ELMO1: variants seen among roughly 807,000 people sequenced by gnomAD.
ELMO1 encodes the protein engulfment and cell motility protein 1.
ELMO1 carries 26 observed loss-of-function variants against 98.9 expected under a neutral mutation model. That is an observed-to-expected ratio of 0.26 (90% CI 0.19 to 0.36). The LOEUF (loss-of-function observed/expected upper bound fraction) is 0.36, where lower values mean the gene tolerates loss of function less well. ELMO1 is among the 10% of genes least tolerant of loss of function. ELMO1 has a pLI of 1.00. For synonymous variants in ELMO1, 346 were observed against 346.0 expected, an observed-to-expected ratio of 1.00 and a Z score of 0.00; for missense variants, 627 against 935.2, an observed-to-expected ratio of 0.67 and a Z score of 4.30.
rs182382889 is a variant in ELMO1, at chr7:36,946,541, A to G, written c.1438-51524T>C. On this transcript the variant is annotated intron_variant, in intron 16 of 21. Transcript: ENST00000310758. ...TAAAATGAGAATGGCATGTTCCGCA[A>G]CCACCTCTGTGTTTGTGTTGCTCCG... Among the ~76,000 whole-genome samples, 296 of 152,330 alleles carry G rather than the reference A, an allele frequency of 1.9e-3. 4 individuals are homozygous for G. The highest frequency in any genetic ancestry group is 7.0e-3 in the African/African-American group (289 of 41,580).
intron 16 of ELMO1, among the ~76,000 whole-genome samples, chr7:36,967,678 C>G (rs537418832): frequency 1.4e-3 from 206 of 152,294 alleles, no homozygotes; most frequent in African/African-American, 4.9e-3. Context: ...GGGATTCAGG[C>G]ACCTGGTGAT....
At chr7:37,364,804 A>G (rs1016484196) in intron 1 of ELMO1, among the ~76,000 whole-genome samples, 1 of 152,240 alleles carries the variant, frequency 6.6e-6, no homozygotes, top group African/African-American at 2.4e-5. Context: ...GAAAGATAAC[A>G]CAAAAAGTGA....
At position 36,858,792 on chromosome 7, in the gene ELMO1, G is replaced by A. The variant is rs1255178979; in HGVS notation, c.1983+2867C>T. 4.6e-5 allele frequency among the ~76,000 whole-genome samples: 7 copies of A among 152,244 alleles called. No individual in the cohort carries two copies. The East Asian group carries it at 7.7e-4, about 17-fold the overall frequency. On this transcript the variant is annotated intron_variant, in intron 21 of 21. Transcript: ENST00000310758. Reference sequence around the variant, plus strand: ...TGGATGGAGGCCAAGGAGTGCAGGTGGACTCTTGAGTGAAAAAGACAAGGG... The same window carrying A: ...TGGATGGAGGCCAAGGAGTGCAGGTAGACTCTTGAGTGAAAAAGACAAGGG...
At chr7:37,375,634 A>G in intron 1 of ELMO1, 1 of 1,177,784 alleles carries the variant, frequency 8.5e-7, no homozygotes, top group Non-Finnish European at 1.3e-6. Flanking sequence ...GCTGGCAGAC[A>G]AGAATGTGCC....
At chr7:37,253,022 A>G (rs1795442139) in intron 6 of ELMO1, among the ~76,000 whole-genome samples, 1 of 152,368 alleles carries the variant, frequency 6.6e-6, no homozygotes, top group African/African-American at 2.4e-5. Flanking sequence ...CAAAACCACA[A>G]TGAGATACCA....
chr7:37,410,813 A>G (rs1267300293), intron 1 of ELMO1, among the ~76,000 whole-genome samples: 1 of 152,236 alleles, frequency 6.6e-6, no homozygotes, highest in Admixed American at 6.5e-5. Context: ...AAAACTGCAA[A>G]GGGAAGAAGA....
intron 16 of ELMO1, among the ~76,000 whole-genome samples, chr7:36,922,541 T>G (rs1380467207): frequency 2.0e-5 from 3 of 152,178 alleles, no homozygotes; most frequent in Admixed American, 2.0e-4. Flanking sequence ...GATCTTTTCT[T>G]TCTGAAAATT....
At chr7:37,317,179 T>C (rs113703661) in intron 2 of ELMO1, among the ~76,000 whole-genome samples, 2,203 of 152,288 alleles carry the variant, frequency 0.014, 20 homozygotes, top group Non-Finnish European at 0.022. Context: ...CTACGCCTGC[T>C]CCATTGGTGA....
intron 16 of ELMO1, chr7:36,919,448 A>G: frequency 1.9e-6 from 1 of 518,102 alleles, no homozygotes; most frequent in South Asian, 1.4e-5. Context: ...AACTAGGAAG[A>G]ATGTGGGCTT....
At chr7:37,431,192 C>G (rs1216350386) in intron 1 of ELMO1, among the ~76,000 whole-genome samples, 2 of 152,042 alleles carry the variant, frequency 1.3e-5, no homozygotes, top group African/African-American at 4.8e-5. Context: ...AAAAGATTAG[C>G]CCGGCATGGT....
At chr7:37,143,685 C>G (rs2129311276) in intron 13 of ELMO1, among the ~76,000 whole-genome samples, 1 of 143,456 alleles carries the variant, frequency 7.0e-6, no homozygotes, top group African/African-American at 2.6e-5. Flanking sequence ...AGGATTACAG[C>G]AGGTGTGAGC....
Position 36,963,087 on chromosome 7 carries a change from A to G in ELMO1, c.1437+50212T>C, listed in dbSNP as rs549624436. On this transcript the variant is annotated intron_variant, in intron 16 of 21. Coordinates refer to ENST00000310758, the MANE Select transcript of ELMO1 (RefSeq NM_014800.11). ...TACACTTGAGTGTCATGTAGTAATT[A>G]GTAATGGCATCTTTGAGCTGGGCGT... Among the ~76,000 whole-genome samples the G allele has an allele frequency of 3.3e-5, 5 of 152,322 alleles. 1 individual carries two copies. The highest frequency in any genetic ancestry group is 7.2e-5 in the African/African-American group (3 of 41,572).
intron 1 of ELMO1, among the ~76,000 whole-genome samples, chr7:37,367,496 G>T (rs890936738): frequency 6.6e-6 from 1 of 152,178 alleles, no homozygotes; most frequent in African/African-American, 2.4e-5. Context: ...GATCAGAATG[G>T]AAGGGCACCA....
At chr7:37,250,855 T>C (rs894495926) in intron 6 of ELMO1, among the ~76,000 whole-genome samples, 2 of 152,112 alleles carry the variant, frequency 1.3e-5, no homozygotes, top group African/African-American at 2.4e-5. Flanking sequence ...AATTTAACTT[T>C]TGTTCGCAGT....
chr7:37,256,993 G>A (rs1795701237), intron 6 of ELMO1, among the ~76,000 whole-genome samples: 1 of 152,162 alleles, frequency 6.6e-6, no homozygotes, highest in Non-Finnish European at 1.5e-5. Flanking sequence ...ATATTCATAT[G>A]CAATTAATTG....
At chr7:37,066,975 T>C (rs1452235969) in intron 15 of ELMO1, among the ~76,000 whole-genome samples, 2 of 152,192 alleles carry the variant, frequency 1.3e-5, no homozygotes, top group Non-Finnish European at 2.9e-5. Context: ...TTTGACTGAT[T>C]AGACAGCAAT....
At chr7:37,225,524 A>C (rs909969496) in intron 8 of ELMO1, among the ~76,000 whole-genome samples, 1 of 152,218 alleles carries the variant, frequency 6.6e-6, no homozygotes, top group African/African-American at 2.4e-5. Flanking sequence ...ACTTGTCAAC[A>C]CAATTCAACT....
chr7:37,266,664 T>C (rs772850472), intron 5 of ELMO1, among the ~76,000 whole-genome samples: 1 of 152,190 alleles, frequency 6.6e-6, no homozygotes. Flanking sequence ...CTTTGTAATA[T>C]ATATTTGTGT....
intron 16 of ELMO1, among the ~76,000 whole-genome samples, chr7:36,976,728 G>A (rs1384156564): frequency 2.0e-5 from 3 of 152,210 alleles, no homozygotes; most frequent in Non-Finnish European, 4.4e-5. Context: ...AAAAGTTGGT[G>A]TGAAAGCCAC....
Sources: allele counts gnomAD v4.1 joint callset (sites outside exome capture counted in the v4.1 genomes callset), GRCh38; gene constraint gnomAD v4.1.1; transcripts MANE v1.5; gene names NCBI Gene and HGNC (gene_info 2026-07-23, HGNC 2026-07-21).